The following SNX8 variants were observed in gnomAD, a reference collection of about 807,000 sequenced individuals.
SNX8 encodes sorting nexin-8.
Under a neutral mutation model 51.6 loss-of-function variants are expected in SNX8, and 25 were observed. The observed-to-expected ratio is 0.48, with a 90% CI of 0.35 to 0.68. The LOEUF is 0.68. Among genes scored for constraint, SNX8 ranks in the 30% least tolerant of loss-of-function variants. The probability of loss-of-function intolerance (pLI) is 0.00; values close to 1 mark genes in which losing one functional copy is unlikely to be tolerated. For missense variants in SNX8, 695 were observed against 624.0 expected, an observed-to-expected ratio of 1.11 and a Z score of -1.21; for synonymous variants, 324 against 277.0, an observed-to-expected ratio of 1.17 and a Z score of -1.68.
chr7:2,332,722 TGA>T (rs371400352), intron 1 of SNX8, among the ~76,000 whole-genome samples: 1,816 of 125,360 alleles, frequency 0.014, 40 homozygotes, highest in African/African-American at 0.053. Context: ...TGTACTCCAG[TGA>T]GAGAGAGAGA....
intron 1 of SNX8, among the ~76,000 whole-genome samples, chr7:2,331,406 T>A (rs1401133731): frequency 1.3e-5 from 2 of 151,694 alleles, no homozygotes; most frequent in African/African-American, 2.4e-5. Flanking sequence ...AAAAAATACC[T>A]ATATAAAAAG....
chr7:2,307,316 G>A (rs554000147), intron 1 of SNX8, among the ~76,000 whole-genome samples: 111 of 151,596 alleles, frequency 7.3e-4, no homozygotes, highest in Admixed American at 1.9e-3. Context: ...TATGCAGAGC[G>A]TGGCCGCGCT....
chr7:2,350,746 A>C (rs1332109480), intron 1 of SNX8, among the ~76,000 whole-genome samples: 1 of 152,072 alleles, frequency 6.6e-6, no homozygotes, highest in African/African-American at 2.4e-5. Flanking sequence ...TCCTGGGCTC[A>C]AGTGATCCTC....
rs1467389368 is a variant in SNX8 at position 2,253,430 on chromosome 7, G to A, written c.*1626C>T. Reference sequence around the variant, plus strand: ...TCACGCTTCATGGCTCGGGTGTCATGGTGCCATTCATGGCAACTGAGAACC... The same window carrying A: ...TCACGCTTCATGGCTCGGGTGTCATAGTGCCATTCATGGCAACTGAGAACC... On this transcript the variant is annotated 3_prime_UTR_variant, in exon 11 of 11. Coordinates refer to ENST00000222990, the MANE Select transcript of SNX8 (RefSeq NM_013321.4). 1 of 152,366 alleles carries A rather than the reference G, an allele frequency of 6.6e-6. No individual in the cohort carries two copies. Among genetic ancestry groups the A allele is most frequent in the East Asian group, 1.9e-4 (1 of 5,200 alleles). 9.4% of individuals were successfully genotyped at this position (152,366 alleles called of 1,614,324 possible). A position where few individuals can be genotyped will look rare whatever the true frequency, so the allele number is the denominator to read the frequency against.
intron 1 of SNX8, among the ~76,000 whole-genome samples, chr7:2,348,692 C>T (rs897951660): frequency 1.3e-5 from 2 of 151,494 alleles, no homozygotes; most frequent in Admixed American, 1.3e-4. Flanking sequence ...GTGGCTCACA[C>T]CTGTAATTCC....
chr7:2,278,196 C>A lies in SNX8; in HGVS notation c.204G>T (p.Leu68=). ...QGNPLLLSHT[L]QELLARDTVQ... ...CGGTGTCCCTGGCCAGCAGCTCCTG[C>A]AGGGTGTGGGACAGCAGCAGCGGGT... Residue 68 remains leucine (L), a synonymous_variant, in exon 2 of 11, where the codon CTG becomes CTT. Coordinates refer to ENST00000222990, the MANE Select transcript of SNX8 (RefSeq NM_013321.4). The A allele has an allele frequency of 3.1e-6, 5 of 1,614,008 alleles. No individual in the cohort carries two copies. The highest frequency in any genetic ancestry group is 3.4e-6 in the Non-Finnish European group (4 of 1,179,990).
chr7:2,297,896 AG>A (rs1796307698), intron 1 of SNX8, among the ~76,000 whole-genome samples: 1 of 151,866 alleles, frequency 6.6e-6, no homozygotes, highest in South Asian at 2.1e-4. Context: ...AGAGGGCGGG[AG>A]GGGGTGAAGG....
At chr7:2,344,343 G>A (rs1778983974) in intron 1 of SNX8, among the ~76,000 whole-genome samples, 1 of 152,084 alleles carries the variant, frequency 6.6e-6, no homozygotes. Context: ...TATAGACAGT[G>A]GCTCACACCT....
Position 2,255,074 on chromosome 7 carries a change from GTCC to G in SNX8, c.1377_1379del (p.Glu459del). On this transcript the variant is annotated inframe_deletion, in exon 11 of 11. Coordinates refer to ENST00000222990, the MANE Select transcript of SNX8 (RefSeq NM_013321.4). ...TCAGGCGCTAGTGAGGACACAGGCC[GTCC>G]TCCGGCGGGGAGCACGGTGGGGTCA... 6.4e-7 allele frequency: 1 copy of G among 1,572,852 alleles called. No homozygotes were observed. The highest frequency in any genetic ancestry group is 2.4e-5 in the East Asian group (1 of 42,514).
chr7:2,314,923 C>T (rs1001528151), upstream of SNX8, among the ~76,000 whole-genome samples: 5 of 151,846 alleles, frequency 3.3e-5, no homozygotes, highest in African/African-American at 1.2e-4. Flanking sequence ...CATTCATCCA[C>T]TCACACACTC....
At chr7:2,268,035 C>T (rs556754043) in intron 5 of SNX8, among the ~76,000 whole-genome samples, 1 of 150,138 alleles carries the variant, frequency 6.7e-6, no homozygotes, top group South Asian at 2.1e-4. Context: ...GCGTCTCTGC[C>T]CGGCCAGCCA....
intron 5 of SNX8, among the ~76,000 whole-genome samples, chr7:2,267,345 T>G (rs1251649720): frequency 1.8e-5 from 1 of 56,976 alleles, no homozygotes; most frequent in Admixed American, 2.2e-4. Context: ...TCCCTCTCCC[T>G]CACCCCACAG....
rs570508359 is a variant in SNX8, at chr7:2,274,257, G to A, written c.418+855C>T. On this transcript the variant is annotated intron_variant, in intron 3 of 10. Transcript: ENST00000222990. The stretch of plus-strand genomic sequence containing the variant: ...ACCCTGGGCTGCTTGCTCAGTGACC[G>A]ATGAGAGGCAGAAGCATTTATGCAT... Among the ~76,000 whole-genome samples the A allele has an allele frequency of 2.4e-4, 37 of 152,346 alleles. No individual in the cohort carries two copies. The South Asian group carries it at 6.4e-3, about 26-fold the overall frequency.
intron 7 of SNX8, among the ~76,000 whole-genome samples, chr7:2,260,246 C>T (rs1252088227): frequency 5.3e-5 from 8 of 152,054 alleles, no homozygotes; most frequent in Non-Finnish European, 1.0e-4. Context: ...TACAGGTGCC[C>T]GCCACCACGC....
intron 1 of SNX8, among the ~76,000 whole-genome samples, chr7:2,342,034 C>T (rs938350620): frequency 4.0e-5 from 6 of 150,276 alleles, no homozygotes; most frequent in South Asian, 4.2e-4. Flanking sequence ...CTGAGACGGG[C>T]GGATCACAAG....
Position 2,275,157 on chromosome 7 carries a change from G to C in SNX8, c.373C>G (p.Pro125Ala). 6.2e-7 allele frequency: 1 copy of C among 1,614,186 alleles called. No homozygotes were observed. The highest frequency in any genetic ancestry group is 2.2e-5 in the East Asian group (1 of 44,874). The change falls in exon 3 of 11, where the codon CCC becomes GCC. Residue 125 changes from proline to alanine, a missense_variant. Coordinates refer to ENST00000222990, the MANE Select transcript of SNX8 (RefSeq NM_013321.4). ...VFQEMLLHKFPYRMVPALPPK... is the reference protein window; with the variant it reads ...VFQEMLLHKFAYRMVPALPPK... ...GGCAGGGCAGGCACCATACGGTAGGGGAACTTGTGCAGGAGCATCTCCTGG... is the reference window on the plus strand; with the variant it reads ...GGCAGGGCAGGCACCATACGGTAGGCGAACTTGTGCAGGAGCATCTCCTGG...
At chr7:2,332,674 C>T (rs565307122) in intron 1 of SNX8, among the ~76,000 whole-genome samples, 11 of 150,838 alleles carry the variant, frequency 7.3e-5, no homozygotes, top group Admixed American at 1.3e-4. Flanking sequence ...TGCTTAAGTC[C>T]GGGACATCAA....
chr7:2,344,890 T>A (rs1245862053), intron 1 of SNX8, among the ~76,000 whole-genome samples: 1 of 152,180 alleles, frequency 6.6e-6, no homozygotes, highest in East Asian at 1.9e-4. Flanking sequence ...CTTTTAATAA[T>A]TTCATTTTCT....
At chr7:2,303,024 C>G (rs1241053070) in intron 1 of SNX8, among the ~76,000 whole-genome samples, 1 of 151,674 alleles carries the variant, frequency 6.6e-6, no homozygotes, top group Admixed American at 6.6e-5. Flanking sequence ...GGTCAGCCCC[C>G]GCCAGGCCAG....
Sources: allele counts gnomAD v4.1 joint callset (sites outside exome capture counted in the v4.1 genomes callset), GRCh38; gene constraint gnomAD v4.1.1; transcripts MANE v1.5; gene names NCBI Gene and HGNC (gene_info 2026-07-23, HGNC 2026-07-21).